The following ESCO2 variants were observed in gnomAD, a reference collection of about 807,000 sequenced individuals.
The protein encoded by ESCO2 is N-acetyltransferase ESCO2.
A neutral mutation model predicts 61.7 loss-of-function variants in ESCO2; 51 were observed. That is an observed-to-expected ratio of 0.83 (90% CI 0.66 to 1.04). The LOEUF (loss-of-function observed/expected upper bound fraction) is 1.04. Ranked by LOEUF, ESCO2 falls within the 50% of genes least tolerant of loss-of-function variation. The pLI is 0.00. For missense variants in ESCO2, 692 were observed against 686.2 expected (o/e 1.01, Z -0.09); for synonymous variants, 230 against 238.2 (o/e 0.97, Z 0.32).
rs1265983193 is a variant in ESCO2, at chr8:27,802,077, C to T, written c.1674-1229C>T. 2.9e-5 allele frequency among the ~76,000 whole-genome samples: 4 copies of T among 137,618 alleles called. No homozygotes were observed. In the East Asian group the frequency reaches 9.0e-4, roughly 31 times the overall value. The allele number at this position is 137,618 out of a possible 152,430, so 90.3% of individuals were successfully genotyped here. A position where few individuals can be genotyped will look rare whatever the true frequency, so the allele number is the denominator to read the frequency against. ...CTGGAACAATTTCTCAGTCTTTTGA[C>T]ATGGAAAAATTTGAAGAGTGCAAGT... On this transcript the variant is annotated intron_variant, in intron 10 of 10. Coordinates refer to ENST00000305188, the MANE Select transcript of ESCO2 (RefSeq NM_001017420.3).
chr8:27,788,068 A>T, intron 6 of ESCO2, 66 bp downstream of exon 6: 1 of 1,108,894 alleles, frequency 9.0e-7, no homozygotes, highest in Non-Finnish European at 1.4e-6. Context: ...CAACCCCTGT[A>T]TTAGACAGTT....
the ESCO2 span, among the ~76,000 whole-genome samples, chr8:27,818,445 T>G: frequency 6.6e-6 from 1 of 152,216 alleles, no homozygotes; most frequent in African/African-American, 2.4e-5. Context: ...ACAAGCCTAA[T>G]GGAGGAATGG....
downstream of ESCO2, among the ~76,000 whole-genome samples, chr8:27,814,759 G>A (rs1415130075): frequency 6.6e-6 from 1 of 152,028 alleles, no homozygotes; most frequent in Non-Finnish European, 1.5e-5. Context: ...TTGACCCATA[G>A]GTTATTTAAA....
chr8:27,819,017 C>G, the ESCO2 span, among the ~76,000 whole-genome samples: 1 of 152,128 alleles, frequency 6.6e-6, no homozygotes, highest in Non-Finnish European at 1.5e-5. Context: ...ACAACAAATT[C>G]CTCTATTTGG....
At chr8:27,803,156 C>A (rs979269644) in intron 10 of ESCO2, 150 bp from the exon 11 acceptor site, 3 of 707,460 alleles carry the variant, frequency 4.2e-6, no homozygotes, top group Non-Finnish European at 7.1e-6. Context: ...GAAATGATAT[C>A]ATTAGACTTC....
rs1585404065 is a variant in ESCO2 at position 27,792,848 on chromosome 8, G to A, written c.1497+37G>A. On this transcript the variant is annotated intron_variant, in intron 9 of 10. Transcript: ENST00000305188. The stretch of plus-strand genomic sequence containing the variant: ...TTGTTTTAAATTATTGGCATAATTT[G>A]CAGGCAAAATAAAGAAAAGTTGGGA... The A allele has an allele frequency of 1.3e-5, 20 of 1,543,252 alleles. No individual in the cohort carries two copies. In the East Asian group the frequency reaches 4.3e-4, roughly 34 times the overall value.
downstream of ESCO2, chr8:27,805,385 C>T (rs1642308021): frequency 6.7e-6 from 1 of 150,322 alleles, no homozygotes; most frequent in Non-Finnish European, 1.5e-5. Context: ...AATACATATG[C>T]AGTTATTTTG....
chr8:27,796,321 T>C (rs189807618), intron 9 of ESCO2, among the ~76,000 whole-genome samples: 6 of 152,228 alleles, frequency 3.9e-5, no homozygotes, highest in Admixed American at 3.3e-4. Flanking sequence ...GAGTCTTCTT[T>C]TTTCTTAGTC....
intron 4 of ESCO2, 72 bp downstream of exon 4, chr8:27,780,339 C>A (rs1200524803): frequency 5.0e-6 from 5 of 1,001,238 alleles, no homozygotes; most frequent in Non-Finnish European, 7.7e-6. Flanking sequence ...AATAATAATT[C>A]TTGTAATTTC....
intron 7 of ESCO2, among the ~76,000 whole-genome samples, chr8:27,790,112 G>C (rs1805143656): frequency 6.6e-6 from 1 of 152,074 alleles, no homozygotes; most frequent in African/African-American, 2.4e-5. Context: ...TTCATATTTG[G>C]CCCCTGCCCA....
downstream of ESCO2, among the ~76,000 whole-genome samples, chr8:27,807,746 T>C (rs10108333): frequency 0.16 from 23,935 of 152,164 alleles, 2,392 homozygotes; most frequent in East Asian, 0.37. Flanking sequence ...GGTACTATGG[T>C]CTGAATGTGT....
At chr8:27,805,976 T>A (rs1296783878), downstream of ESCO2, among the ~76,000 whole-genome samples, 1 of 152,116 alleles carries the variant, frequency 6.6e-6, no homozygotes, top group Non-Finnish European at 1.5e-5. Flanking sequence ...GACCTGGGGC[T>A]CTTTGGAGAA....
downstream of ESCO2, among the ~76,000 whole-genome samples, chr8:27,815,716 A>G (rs1295100340): frequency 3.9e-5 from 6 of 152,206 alleles, no homozygotes; most frequent in Admixed American, 6.5e-5. Flanking sequence ...AACGGCTCCA[A>G]TTTGAGACTC....
At chr8:27,811,260 T>A (rs1805676700), downstream of ESCO2, 1 of 749,068 alleles carries the variant, frequency 1.3e-6, no homozygotes, top group East Asian at 2.6e-5. Context: ...CCAGAAAATG[T>A]AAAAATACAC....
chr8:27,774,323 A>C (rs1027103980), upstream of ESCO2: 2 of 152,100 alleles, frequency 1.3e-5, no homozygotes, highest in Non-Finnish European at 2.9e-5. Flanking sequence ...GCACCTAAAC[A>C]AGGCCCCGGG....
chr8:27,817,492 G>C (rs182420075), downstream of ESCO2, among the ~76,000 whole-genome samples: 20 of 151,766 alleles, frequency 1.3e-4, 2 homozygotes, highest in East Asian at 3.9e-3. Flanking sequence ...TCTTTTATTA[G>C]GATTATTAAC....
rs1467469512 is a variant in ESCO2 at position 27,776,439 on chromosome 8, AAGAAAACCTGC to A, written c.133_143del (p.Glu45LeufsTer16). 26 of 1,607,090 alleles carry A rather than the reference AAGAAAACCTGC, an allele frequency of 1.6e-5. No individual in the cohort carries two copies. The highest frequency in any genetic ancestry group is 2.1e-5 in the Non-Finnish European group (25 of 1,178,132). ...TTTTATCAAAACAGTGATAAAAATGAAGAAAACCTGCATTGCTCTCAACAAGAGCATTTTGT... is the reference window on the plus strand; with the variant it reads ...TTTTATCAAAACAGTGATAAAAATGAATTGCTCTCAACAAGAGCATTTTGT... On this transcript the variant is annotated frameshift_variant, in exon 3 of 11. Transcript: ENST00000305188. LOFTEE classifies it high-confidence loss of function.
At chr8:27,776,016 CA>C (rs1804781410) in intron 2 of ESCO2, among the ~76,000 whole-genome samples, 1 of 152,184 alleles carries the variant, frequency 6.6e-6, no homozygotes, top group African/African-American at 2.4e-5. Context: ...TCATTACAGA[CA>C]GTTATTATAG....
At chr8:27,775,394 A>T in intron 1 of ESCO2, 105 bp from the exon 2 acceptor site, 1 of 1,017,212 alleles carries the variant, frequency 9.8e-7, no homozygotes, top group Admixed American at 1.7e-5. Flanking sequence ...CCTCCCAGAA[A>T]ATAGGGTTTT....
Sources: allele counts gnomAD v4.1 joint callset (sites outside exome capture counted in the v4.1 genomes callset), GRCh38; gene constraint gnomAD v4.1.1; transcripts MANE v1.5; gene names NCBI Gene and HGNC (gene_info 2026-07-23, HGNC 2026-07-21).